Variants in EDAR observed in about 807,000 individuals in gnomAD.
The protein encoded by EDAR is ectodysplasin A receptor.
Under a neutral mutation model 51.3 loss-of-function variants are expected in EDAR, and 38 were observed. That is an observed-to-expected ratio of 0.74 (90% CI 0.57 to 0.97). EDAR has a LOEUF of 0.97. Among genes scored for constraint, EDAR ranks in the 50% least tolerant of loss-of-function variants. EDAR has a pLI of 0.00. For synonymous variants in EDAR, 227 were observed against 242.1 expected, an observed-to-expected ratio of 0.94 and a Z score of 0.58; for missense variants, 528 against 595.0, an observed-to-expected ratio of 0.89 and a Z score of 1.17.
chr2:108,980,401 C>T (rs1383800258), intron 1 of EDAR, among the ~76,000 whole-genome samples: 2 of 152,192 alleles, frequency 1.3e-5, no homozygotes, highest in East Asian at 3.9e-4. Context: ...CCCTGCCGCT[C>T]ACCTCAGCAG....
intron 11 of EDAR, among the ~76,000 whole-genome samples, chr2:108,898,301 G>GC (rs1696638359): frequency 6.6e-6 from 1 of 152,068 alleles, no homozygotes; most frequent in Non-Finnish European, 1.5e-5. Flanking sequence ...AAACTCCTCT[G>GC]CCCCCGTGGT....
chr2:108,951,245 G>T (rs188593447), intron 1 of EDAR, among the ~76,000 whole-genome samples: 1 of 152,264 alleles, frequency 6.6e-6, no homozygotes, highest in African/African-American at 2.4e-5. Context: ...CTCAATATCG[G>T]TCTTCTGCAT....
At chr2:108,976,301 G>T (rs546430920) in intron 1 of EDAR, among the ~76,000 whole-genome samples, 94 of 152,320 alleles carry the variant, frequency 6.2e-4, no homozygotes, top group Middle Eastern at 3.4e-3. Flanking sequence ...AGAGTTGTCA[G>T]ATGTTTTTCT....
intron 4 of EDAR, among the ~76,000 whole-genome samples, chr2:108,924,800 G>A (rs890964724): frequency 1.3e-5 from 2 of 152,334 alleles, no homozygotes; most frequent in East Asian, 1.9e-4. Context: ...TAAGCCTCTC[G>A]CAAATCTACC....
intron 1 of EDAR, among the ~76,000 whole-genome samples, chr2:108,945,939 T>G (rs2105483351): frequency 6.6e-6 from 1 of 152,342 alleles, no homozygotes; most frequent in Middle Eastern, 3.4e-3. Context: ...TTCTATCCTA[T>G]GCTTCCATTT....
At chr2:108,932,001 A>C (rs1446902994) in intron 1 of EDAR, among the ~76,000 whole-genome samples, 1 of 152,020 alleles carries the variant, frequency 6.6e-6, no homozygotes, top group Non-Finnish European at 1.5e-5. Context: ...GGGCCATGGA[A>C]CCCAAACTCC....
At chr2:108,987,300 G>A (rs1368054657) in intron 1 of EDAR, among the ~76,000 whole-genome samples, 2 of 152,246 alleles carry the variant, frequency 1.3e-5, no homozygotes, top group Admixed American at 6.5e-5. Context: ...TGAGACCTGA[G>A]GAACTTTGAC....
intron 5 of EDAR, among the ~76,000 whole-genome samples, chr2:108,921,728 T>C (rs1441480022): frequency 6.6e-6 from 1 of 152,212 alleles, no homozygotes; most frequent in East Asian, 1.9e-4. Context: ...GGCATCACTC[T>C]GTTTGGCATT....
intron 11 of EDAR, among the ~76,000 whole-genome samples, 164 bp from the exon 12 acceptor site, chr2:108,897,393 C>T (rs752508634): frequency 7.2e-5 from 11 of 152,002 alleles, no homozygotes; most frequent in Middle Eastern, 3.4e-3. Flanking sequence ...TTAAGGCAAA[C>T]GACACCTAGA....
chr2:108,939,879 C>T (rs542648402), intron 1 of EDAR, among the ~76,000 whole-genome samples: 2 of 152,306 alleles, frequency 1.3e-5, no homozygotes, highest in African/African-American at 4.8e-5. Context: ...ATCTGGACTC[C>T]ACTAGAGAAC....
intron 11 of EDAR, among the ~76,000 whole-genome samples, chr2:108,905,215 C>A (rs1388543052): frequency 6.6e-6 from 1 of 152,078 alleles, no homozygotes; most frequent in East Asian, 1.9e-4. Flanking sequence ...AGGTTCTCAG[C>A]CCTGGCTGAG....
intron 11 of EDAR, among the ~76,000 whole-genome samples, chr2:108,905,590 C>G (rs2105388109): frequency 6.6e-6 from 1 of 152,082 alleles, no homozygotes; most frequent in South Asian, 2.1e-4. Context: ...GCACCAGGCT[C>G]CACTCCCGCT....
intron 5 of EDAR, among the ~76,000 whole-genome samples, chr2:108,913,800 A>G (rs1362688282): frequency 6.6e-6 from 1 of 152,142 alleles, no homozygotes. Context: ...AATACAAAAA[A>G]TTAGCCGGGC....
intron 4 of EDAR, among the ~76,000 whole-genome samples, chr2:108,927,304 G>A (rs1019770090): frequency 4.6e-5 from 7 of 152,162 alleles, no homozygotes; most frequent in Non-Finnish European, 8.8e-5. Flanking sequence ...AGGGCGGGAG[G>A]CATCAAGATT....
intron 4 of EDAR, among the ~76,000 whole-genome samples, chr2:108,925,267 C>G (rs1343096876): frequency 6.6e-6 from 1 of 152,240 alleles, no homozygotes; most frequent in Non-Finnish European, 1.5e-5. Flanking sequence ...TGAATGACAC[C>G]AAGTTCTTCT....
At chr2:108,917,865 G>A (rs1697056699) in intron 5 of EDAR, among the ~76,000 whole-genome samples, 1 of 152,184 alleles carries the variant, frequency 6.6e-6, no homozygotes, top group South Asian at 2.1e-4. Context: ...GGCACCTGCA[G>A]AGCCTGAAGC....
At chr2:108,941,888 C>T (rs1341906737) in intron 1 of EDAR, among the ~76,000 whole-genome samples, 1 of 152,016 alleles carries the variant, frequency 6.6e-6, no homozygotes, top group Non-Finnish European at 1.5e-5. Context: ...GAGGCCAGTG[C>T]CCGACAGCAG....
chr2:108,947,108 C>T (rs1446213710), intron 1 of EDAR, among the ~76,000 whole-genome samples: 1 of 152,176 alleles, frequency 6.6e-6, no homozygotes, highest in Non-Finnish European at 1.5e-5. Flanking sequence ...GAAAAATTGG[C>T]CAAAACAAAG....
intron 1 of EDAR, among the ~76,000 whole-genome samples, chr2:108,942,770 G>T (rs1226699574): frequency 2.0e-5 from 3 of 152,264 alleles, no homozygotes; most frequent in Non-Finnish European, 2.9e-5. Context: ...TCTCACGAAG[G>T]TTCGTGCCCT....
Sources: allele counts gnomAD v4.1 joint callset (sites outside exome capture counted in the v4.1 genomes callset), GRCh38; gene constraint gnomAD v4.1.1; transcripts MANE v1.5; gene names NCBI Gene and HGNC (gene_info 2026-07-23, HGNC 2026-07-21).